The following MAGI1 variants were observed in gnomAD, a reference collection of about 807,000 sequenced individuals.
The protein encoded by MAGI1 is membrane associated guanylate kinase, WW and PDZ domain containing 1.
In MAGI1, 58 loss-of-function variants were observed where a neutral mutation model predicts 139.9. That is an observed-to-expected ratio of 0.41 (90% CI 0.34 to 0.52). The LOEUF is 0.52. MAGI1 is among the 20% of genes least tolerant of loss of function. MAGI1 has a pLI of 0.12. For synonymous variants in MAGI1, 812 were observed against 737.9 expected (o/e 1.10, Z -1.63); for missense variants, 1,874 against 1,901.6 (o/e 0.99, Z 0.27).
At chr3:65,878,045 A>G (rs1320682728) in intron 1 of MAGI1, among the ~76,000 whole-genome samples, 1 of 152,102 alleles carries the variant, frequency 6.6e-6, no homozygotes, top group Non-Finnish European at 1.5e-5. Flanking sequence ...GAGGAGTTGG[A>G]AACTGCAGTA....
intron 1 of MAGI1, among the ~76,000 whole-genome samples, chr3:65,630,032 C>T (rs1559736431): frequency 6.6e-6 from 1 of 152,182 alleles, no homozygotes; most frequent in Admixed American, 6.5e-5. Flanking sequence ...TTAAAATCAC[C>T]TGTGACTTCA....
intron 1 of MAGI1, among the ~76,000 whole-genome samples, chr3:65,699,804 C>T (rs1406013984): frequency 1.3e-5 from 2 of 149,666 alleles, no homozygotes; most frequent in Non-Finnish European, 3.0e-5. Flanking sequence ...GTGCAACACA[C>T]CAGCATGGCA....
chr3:65,488,908 A>G (rs1334809524), intron 3 of MAGI1, among the ~76,000 whole-genome samples: 2 of 151,686 alleles, frequency 1.3e-5, no homozygotes, highest in African/African-American at 4.8e-5. Context: ...CCTGAGCTCA[A>G]GCAATCCTCC....
chr3:65,439,424 G>A (rs1205632526), intron 9 of MAGI1, among the ~76,000 whole-genome samples: 6 of 152,116 alleles, frequency 3.9e-5, no homozygotes, highest in Admixed American at 6.6e-5. Context: ...TTTACAAAGA[G>A]CATGAATTAG....
intron 6 of MAGI1, among the ~76,000 whole-genome samples, chr3:65,451,819 T>C (rs1205466231): frequency 6.6e-6 from 1 of 151,870 alleles, no homozygotes; most frequent in Non-Finnish European, 1.5e-5. Context: ...TAATTTTTGT[T>C]TTATTATTTG....
At chr3:65,771,588 C>A (rs1397305513) in intron 1 of MAGI1, among the ~76,000 whole-genome samples, 2 of 152,136 alleles carry the variant, frequency 1.3e-5, no homozygotes, top group East Asian at 3.9e-4. Flanking sequence ...GTATAACCAG[C>A]CTTCTCCAAA....
At chr3:65,529,151 CT>C (rs2078519847) in intron 2 of MAGI1, among the ~76,000 whole-genome samples, 1 of 151,498 alleles carries the variant, frequency 6.6e-6, no homozygotes, top group Admixed American at 6.6e-5. Flanking sequence ...AAGGCTTGGA[CT>C]TTCTGCTCCC....
At chr3:65,664,836 C>T (rs2086410047) in intron 1 of MAGI1, among the ~76,000 whole-genome samples, 1 of 152,142 alleles carries the variant, frequency 6.6e-6, no homozygotes, top group Admixed American at 6.6e-5. Context: ...CATTCTTTCA[C>T]ATTTTTGTGC....
chr3:65,704,401 T>C (rs1314894638), intron 1 of MAGI1, among the ~76,000 whole-genome samples: 2 of 152,194 alleles, frequency 1.3e-5, no homozygotes, highest in African/African-American at 4.8e-5. Context: ...CCCTTTCCAG[T>C]GGGAAGCTCA....
intron 2 of MAGI1, among the ~76,000 whole-genome samples, chr3:65,547,258 C>T (rs749608370): frequency 1.1e-4 from 17 of 152,158 alleles, no homozygotes; most frequent in Non-Finnish European, 2.9e-5. Flanking sequence ...TACTTTGCCA[C>T]GTTAATTCAA....
At chr3:65,555,306 T>C (rs2080033815) in intron 2 of MAGI1, among the ~76,000 whole-genome samples, 1 of 152,144 alleles carries the variant, frequency 6.6e-6, no homozygotes, top group African/African-American at 2.4e-5. Flanking sequence ...TTTTCCGGAT[T>C]CCTTTCTGCC....
intron 1 of MAGI1, among the ~76,000 whole-genome samples, chr3:65,998,960 T>G (rs1296398770): frequency 6.6e-6 from 1 of 152,026 alleles, no homozygotes; most frequent in African/African-American, 2.4e-5. Flanking sequence ...TAACAGAGAA[T>G]AGAATCACAT....
chr3:65,931,548 C>T (rs977404865), intron 1 of MAGI1, among the ~76,000 whole-genome samples: 1 of 152,076 alleles, frequency 6.6e-6, no homozygotes, highest in African/African-American at 2.4e-5. Flanking sequence ...CACTGTAGTC[C>T]CTGCTACTTG....
At chr3:65,691,302 C>CAAAAAAAAAAAA (rs752329892) in intron 1 of MAGI1, among the ~76,000 whole-genome samples, 3 of 74,722 alleles carry the variant, frequency 4.0e-5, no homozygotes, top group Non-Finnish European at 9.3e-5. Context: ...GACTCCGTCT[C>CAAAAAAAAAAAA]AAAAAAAAAA....
At chr3:65,812,458 T>TCACACACACACACA (rs779884222) in intron 1 of MAGI1, among the ~76,000 whole-genome samples, 162 of 101,676 alleles carry the variant, frequency 1.6e-3, no homozygotes, top group South Asian at 5.5e-3. Flanking sequence ...TCTCTCTCTC[T>TCACACACACACACA]CTCTCTCTCT....
chr3:65,982,402 C>T (rs959289034), intron 1 of MAGI1, among the ~76,000 whole-genome samples: 2 of 152,210 alleles, frequency 1.3e-5, no homozygotes, highest in African/African-American at 2.4e-5. Flanking sequence ...CTGCTCTTGA[C>T]CTTTCTCCTT....
intron 1 of MAGI1, among the ~76,000 whole-genome samples, chr3:65,852,739 G>A (rs111334518): frequency 3.3e-4 from 50 of 151,910 alleles, no homozygotes; most frequent in African/African-American, 7.5e-4. Context: ...CCGACCTCAG[G>A]TGATCTGCCC....
chr3:65,572,394 A>C (rs1436991647), intron 2 of MAGI1, among the ~76,000 whole-genome samples: 1 of 152,202 alleles, frequency 6.6e-6, no homozygotes, highest in Non-Finnish European at 1.5e-5. Context: ...AAAGGGAAAG[A>C]AAGCCAGCCA....
intron 12 of MAGI1, among the ~76,000 whole-genome samples, chr3:65,415,199 C>T (rs965836622): frequency 6.6e-6 from 1 of 152,134 alleles, no homozygotes; most frequent in East Asian, 1.9e-4. Flanking sequence ...ACCTTTCCTT[C>T]CAGGCTCTTC....
Sources: gnomAD v4.1 joint callset for allele counts (sites outside exome capture counted in the v4.1 genomes callset) on GRCh38, gnomAD v4.1.1 for gene constraint, MANE v1.5 for transcripts, NCBI Gene and HGNC (gene_info 2026-07-23, HGNC 2026-07-21) for gene names.